Variants in JMJD1C observed in about 807,000 individuals in gnomAD.
The protein encoded by JMJD1C is jumonji domain-containing protein 1C.
In JMJD1C, 31 loss-of-function variants were observed where a neutral mutation model predicts 245.3. That is an observed-to-expected ratio of 0.13 (90% confidence interval 0.09 to 0.17). The LOEUF (loss-of-function observed/expected upper bound fraction) is 0.17, where lower values mean the gene tolerates loss of function less well. Among genes scored for constraint, JMJD1C ranks in the 10% least tolerant of loss-of-function variants. The pLI is 1.00. For synonymous variants in JMJD1C, 1,057 were observed against 1,017.4 expected, an observed-to-expected ratio of 1.04 and a Z score of -0.74; for missense variants, 2,691 against 3,000.2, an observed-to-expected ratio of 0.90 and a Z score of 2.41.
intron 1 of JMJD1C, among the ~76,000 whole-genome samples, chr10:63,416,535 A>G (rs970962790): frequency 6.6e-6 from 1 of 152,194 alleles, no homozygotes; most frequent in Non-Finnish European, 1.5e-5. Context: ...CTGTCAAGTA[A>G]CAAGGGGAAA....
chr10:63,325,950 T>A (rs1012550144), intron 2 of JMJD1C, among the ~76,000 whole-genome samples: 1 of 152,194 alleles, frequency 6.6e-6, no homozygotes, highest in South Asian at 2.1e-4. Flanking sequence ...GCTAAATCCA[T>A]CATAGCACAG....
chr10:63,394,492 C>T (rs988606258), intron 1 of JMJD1C, among the ~76,000 whole-genome samples: 1 of 152,082 alleles, frequency 6.6e-6, no homozygotes, highest in Non-Finnish European at 1.5e-5. Flanking sequence ...ATATAATATT[C>T]GTGACCTTGG....
chr10:63,277,731 C>CTTGTTTTTTTTTT (rs1856943819), intron 2 of JMJD1C, among the ~76,000 whole-genome samples: 1 of 64,262 alleles, frequency 1.6e-5, no homozygotes, highest in Non-Finnish European at 2.6e-5. Flanking sequence ...ATTTGCATTT[C>CTTGTTTTTTTTTT]TTTTTTTTTT....
chr10:63,232,683 G>A (rs1223695201), intron 3 of JMJD1C, among the ~76,000 whole-genome samples: 3 of 152,136 alleles, frequency 2.0e-5, no homozygotes, highest in Non-Finnish European at 4.4e-5. Flanking sequence ...AGGAGGAAAT[G>A]ATAAAGTTTA....
At chr10:63,315,998 T>C (rs1939996993) in intron 2 of JMJD1C, among the ~76,000 whole-genome samples, 1 of 151,954 alleles carries the variant, frequency 6.6e-6, no homozygotes, top group African/African-American at 2.4e-5. Flanking sequence ...GTGAGACCCC[T>C]GTCTCCTTAA....
At chr10:63,419,364 GC>G (rs1949984351) in intron 1 of JMJD1C, among the ~76,000 whole-genome samples, 1 of 152,018 alleles carries the variant, frequency 6.6e-6, no homozygotes, top group Non-Finnish European at 1.5e-5. Context: ...TCCAGCCTGG[GC>G]GACAGAGCAA....
At position 63,189,409 on chromosome 10, in the gene JMJD1C, T is replaced by C. The variant is rs2132954857; in HGVS notation, c.6329A>G (p.Asp2110Gly). The C allele has an allele frequency of 6.2e-7, 1 of 1,613,656 alleles. No homozygotes were observed. Among genetic ancestry groups the C allele is most frequent in the East Asian group, 2.2e-5 (1 of 44,798 alleles). The change falls in exon 18 of 26, where the codon GAT becomes GGT. Residue 2110 changes from aspartate to glycine, a missense_variant. Transcript: ENST00000399262. ...KSGRTMPNIL[D>G]DIIASVVENK... ...TTCAACAACTGAAGCAATTATGTCA[T>C]CAAGAATGTTAGGCATAGTCCGTCC...
intron 2 of JMJD1C, among the ~76,000 whole-genome samples, chr10:63,289,915 T>C (rs1858438269): frequency 6.6e-6 from 1 of 151,940 alleles, no homozygotes; most frequent in Non-Finnish European, 1.5e-5. Context: ...ATGTTACTTA[T>C]AAAATTTAAA....
chr10:63,301,215 A>G (rs942907334), intron 2 of JMJD1C, among the ~76,000 whole-genome samples: 4 of 152,114 alleles, frequency 2.6e-5, no homozygotes, highest in African/African-American at 9.7e-5. Context: ...GGGTTTTGCC[A>G]TATCGTCCAG....
chr10:63,249,816 C>T (rs933506267), intron 3 of JMJD1C, among the ~76,000 whole-genome samples: 1 of 151,302 alleles, frequency 6.6e-6, no homozygotes, highest in African/African-American at 2.4e-5. Context: ...GCCAAGATTG[C>T]ACCACTGCAT....
Position 63,464,067 on chromosome 10 carries a change from C to A in JMJD1C, c.168+1428G>T, listed in dbSNP as rs79565752. The stretch of plus-strand genomic sequence containing the variant: ...TTAATAAGTCCTGGGCTCTAGCAAT[C>A]CTCTTACCTCAGCCTTTTACACAAA... On this transcript the variant is annotated intron_variant, in intron 1 of 25. Coordinates refer to ENST00000399262, the MANE Select transcript of JMJD1C (RefSeq NM_032776.3). Among the ~76,000 whole-genome samples the A allele has an allele frequency of 3.4e-3, 516 of 152,116 alleles. 11 individuals are homozygous for A. The highest frequency in any genetic ancestry group is 0.03 in the Admixed American group (460 of 15,284).
chr10:63,465,387 C>T (rs567004492), intron 1 of JMJD1C, 108 bp downstream of exon 1: 3 of 1,177,324 alleles, frequency 2.5e-6, no homozygotes, highest in African/African-American at 1.5e-5. Flanking sequence ...GGGGCGTGAC[C>T]GCCAGTTGGC....
chr10:63,214,607 C>G lies in JMJD1C; in HGVS notation c.1560G>C (p.Lys520Asn). 1 of 1,614,074 alleles carries G rather than the reference C, an allele frequency of 6.2e-7. No individual in the cohort carries two copies. Among genetic ancestry groups the G allele is most frequent in the Non-Finnish European group, 8.5e-7 (1 of 1,180,004 alleles). The change falls in exon 8 of 26, where the codon AAG becomes AAC. Residue 520 changes from lysine to asparagine, a missense_variant. Lys to Asn is a moderately conservative substitution (Grantham distance 94, BLOSUM62 0). Around this residue, in one of 9 missense-constraint regions of JMJD1C, gnomAD observed 1,562 missense variants for 1,490.7 expected, o/e 1.05. Coordinates refer to ENST00000399262, the MANE Select transcript of JMJD1C (RefSeq NM_032776.3). ...AGGTACTTGAGTTTTCCTGAGCCAC[C>G]TTTTCTAAATTAGTGTCATTTGTAA... is the stretch of plus-strand genomic sequence containing the variant. ...IDITNDTNLE[K>N]VAQENSSTFG...
intron 3 of JMJD1C, among the ~76,000 whole-genome samples, chr10:63,245,191 CAA>C (rs894146853): frequency 9.6e-5 from 11 of 114,812 alleles, no homozygotes; most frequent in Admixed American, 2.5e-4. Context: ...AGAAATTTAA[CAA>C]AGAGATTGAA....
chr10:63,414,982 G>C (rs1221341940), intron 1 of JMJD1C, among the ~76,000 whole-genome samples: 2 of 150,508 alleles, frequency 1.3e-5, no homozygotes, highest in Non-Finnish European at 1.5e-5. Context: ...ACAATAGGTT[G>C]GTATTCCCAA....
chr10:63,307,170 CTG>C (rs1313589901), intron 2 of JMJD1C, among the ~76,000 whole-genome samples: 3 of 151,962 alleles, frequency 2.0e-5, no homozygotes, highest in Non-Finnish European at 4.4e-5. Context: ...ATTTCCTAAA[CTG>C]TCTCTTTAAA....
intron 16 of JMJD1C, 52 bp from the exon 17 acceptor site, chr10:63,191,160 C>T: frequency 6.9e-7 from 1 of 1,456,582 alleles, no homozygotes; most frequent in Non-Finnish European, 9.6e-7. Flanking sequence ...GAGACGGAGT[C>T]TCATTCTGTC....
chr10:63,225,986 C>CG (rs1491149548), intron 3 of JMJD1C, among the ~76,000 whole-genome samples: 1 of 9,668 alleles, frequency 1.0e-4, no homozygotes, highest in African/African-American at 2.6e-4. Flanking sequence ...TTCTCCCCCA[C>CG]CCCCCCCTTC....
chr10:63,243,854 T>C (rs956355256), intron 3 of JMJD1C, among the ~76,000 whole-genome samples: 3 of 152,038 alleles, frequency 2.0e-5, no homozygotes, highest in Admixed American at 2.0e-4. Flanking sequence ...GAATTGGACT[T>C]TCTATTTATT....
Sources: allele counts gnomAD v4.1 joint callset (sites outside exome capture counted in the v4.1 genomes callset), GRCh38; gene constraint gnomAD v4.1.1; regional missense constraint gnomAD v4.1.1; transcripts MANE v1.5; gene names NCBI Gene and HGNC (gene_info 2026-07-23, HGNC 2026-07-21).